Variants in PCOLCE2 observed in about 807,000 individuals in gnomAD.
PCOLCE2 encodes the protein procollagen C-endopeptidase enhancer 2.
In PCOLCE2, 42 loss-of-function variants were observed where a neutral mutation model predicts 47.0. The ratio of observed to expected loss-of-function variants is 0.89; its 90% confidence interval spans 0.70 to 1.16. The LOEUF is 1.16. Among genes scored for constraint, PCOLCE2 ranks in the 50% most tolerant of loss-of-function variants. The pLI, the probability that PCOLCE2 is intolerant of heterozygous loss-of-function variation, is 0.00. For synonymous variants in PCOLCE2, 169 were observed against 191.7 expected (o/e 0.88, Z 0.98); for missense variants, 500 against 526.1 (o/e 0.95, Z 0.49).
intron 3 of PCOLCE2, 117 bp from the exon 4 acceptor site, chr3:142,843,165 G>T (rs1937286510): frequency 9.3e-6 from 9 of 965,096 alleles, no homozygotes; most frequent in Non-Finnish European, 1.5e-5. Flanking sequence ...AAAGGCAACA[G>T]CAGAAGCGCT....
At chr3:142,834,973 G>A (rs1937186845) in intron 5 of PCOLCE2, among the ~76,000 whole-genome samples, 2 of 151,120 alleles carry the variant, frequency 1.3e-5, no homozygotes, top group Non-Finnish European at 2.9e-5. Flanking sequence ...AATTTCTTTA[G>A]TGATCATTTG....
intron 3 of PCOLCE2, among the ~76,000 whole-genome samples, chr3:142,843,964 A>G (rs1271035466): frequency 2.6e-5 from 4 of 152,192 alleles, no homozygotes; most frequent in Non-Finnish European, 5.9e-5. Context: ...GTAGAATAAT[A>G]TAATGACCTC....
intron 2 of PCOLCE2, among the ~76,000 whole-genome samples, chr3:142,879,740 A>G (rs879521893): frequency 1.3e-5 from 2 of 152,188 alleles, no homozygotes; most frequent in East Asian, 1.9e-4. Flanking sequence ...GAGGCCGAGG[A>G]GGGCGGATCA....
intron 6 of PCOLCE2, among the ~76,000 whole-genome samples, chr3:142,826,005 C>CT (rs112204556): frequency 0.036 from 5,278 of 145,836 alleles, 312 homozygotes; most frequent in African/African-American, 0.12. Flanking sequence ...GTGACCTTGC[C>CT]TTTTTTTTTT....
intron 5 of PCOLCE2, among the ~76,000 whole-genome samples, chr3:142,835,293 A>G (rs1446880252): frequency 1.3e-5 from 2 of 152,210 alleles, no homozygotes; most frequent in Non-Finnish European, 1.5e-5. Context: ...TTTTACAATT[A>G]TTACATCTGC....
intron 2 of PCOLCE2, among the ~76,000 whole-genome samples, chr3:142,848,914 G>A (rs185569032): frequency 6.6e-6 from 1 of 152,262 alleles, no homozygotes; most frequent in East Asian, 1.9e-4. Flanking sequence ...AGCACTTTGG[G>A]AGGCCGAGGT....
chr3:142,888,732 G>C, intron 1 of PCOLCE2, 82 bp downstream of exon 1: 1 of 858,342 alleles, frequency 1.2e-6, no homozygotes, highest in Non-Finnish European at 1.7e-6. Context: ...CGCCGAAGCG[G>C]GTTGAGTAAA....
At chr3:142,866,995 T>A (rs1185222989) in intron 2 of PCOLCE2, among the ~76,000 whole-genome samples, 2 of 152,200 alleles carry the variant, frequency 1.3e-5, no homozygotes, top group Admixed American at 1.3e-4. Flanking sequence ...TGTACAGGTA[T>A]CATGGCAACC....
rs1161343098 is a variant in PCOLCE2 at position 142,866,608 on chromosome 3, T to C, written c.193-18136A>G. ...AAAAAATGTTGAAAAATATGAATCA[T>C]AACCCCATCTCACACCATACATAAA... On this transcript the variant is annotated intron_variant, in intron 2 of 8. Transcript: ENST00000295992. Among the ~76,000 whole-genome samples the C allele has an allele frequency of 2.6e-5, 4 of 152,194 alleles. No individual in the cohort carries two copies. The East Asian group carries it at 7.7e-4, about 29-fold the overall frequency.
rs1162478767 is a variant in PCOLCE2 at position 142,848,419 on chromosome 3, A to C, written c.246T>G (p.Ser82Arg). The stretch of plus-strand genomic sequence containing the variant: ...CAAAGTCATAGCGGCACAGGTTGTC[A>C]CTCTCGAGGTCTATGAATCGGAAAT... ...VLNFRFIDLE[S>R]DNLCRYDFVD... is the part of the protein sequence containing the mutation. Residue 82 changes from serine (S) to arginine (R), a missense_variant, in exon 3 of 9, where the codon AGT becomes AGG. Coordinates refer to ENST00000295992, the MANE Select transcript of PCOLCE2 (RefSeq NM_013363.4). 1 of 1,610,330 alleles carries C rather than the reference A, an allele frequency of 6.2e-7. No homozygotes were observed. The highest frequency in any genetic ancestry group is 1.7e-5 in the Admixed American group (1 of 59,952).
At chr3:142,877,381 A>G (rs1314016301) in intron 2 of PCOLCE2, among the ~76,000 whole-genome samples, 2 of 152,364 alleles carry the variant, frequency 1.3e-5, no homozygotes, top group African/African-American at 2.4e-5. Context: ...CCATGCTCCA[A>G]ATGGATTACC....
rs140431130 is a variant in PCOLCE2 at position 142,871,316 on chromosome 3, T to G, written c.192+16353A>C. The stretch of plus-strand genomic sequence containing the variant: ...TCCCAGCTGCTCTCCCTTCTTCCAT[T>G]CTTGCACCCTATGATCTGTTCTCAG... On this transcript the variant is annotated intron_variant, in intron 2 of 8. Transcript: ENST00000295992. 2.0e-5 allele frequency among the ~76,000 whole-genome samples: 3 copies of G among 152,282 alleles called. No individual in the cohort carries two copies. In the South Asian group the frequency reaches 6.2e-4, roughly 32 times the overall value.
In PCOLCE2 at chr3:142,818,465, C is replaced by T. The variant is rs1936975559; in HGVS notation, c.1118G>A (p.Gly373Asp). ...TTGGCCCATAATAATGTAATTTAGACCTAAAGAAAGAGAATACAGAAATTA... is the reference window on the plus strand; with the variant it reads ...TTGGCCCATAATAATGTAATTTAGATCTAAAGAAAGAGAATACAGAAATTA... ...VCKQCPLLRR[G>D]LNYIIMGQVG... The change falls in exon 9 of 9, where the codon GGT (glycine) becomes GAT (aspartate). Residue 373 changes from glycine to aspartate, a missense_variant and splice_region_variant. Gly to Asp is a moderately conservative substitution (Grantham distance 94). Coordinates refer to ENST00000295992, the MANE Select transcript of PCOLCE2 (RefSeq NM_013363.4). 1 of 1,609,230 alleles carries T rather than the reference C, an allele frequency of 6.2e-7. No individual in the cohort carries two copies. Among genetic ancestry groups the T allele is most frequent in the Non-Finnish European group, 8.5e-7 (1 of 1,175,878 alleles).
At chr3:142,862,476 G>A (rs1560138343) in intron 2 of PCOLCE2, among the ~76,000 whole-genome samples, 1 of 152,230 alleles carries the variant, frequency 6.6e-6, no homozygotes, top group East Asian at 1.9e-4. Flanking sequence ...CATTTTTCCT[G>A]TGAGTTTAAA....
intron 2 of PCOLCE2, among the ~76,000 whole-genome samples, chr3:142,860,973 G>C (rs1271825708): frequency 6.6e-6 from 1 of 152,114 alleles, no homozygotes; most frequent in African/African-American, 2.4e-5. Flanking sequence ...TTCCTTGCTT[G>C]TTTTATTCCC....
intron 4 of PCOLCE2, among the ~76,000 whole-genome samples, chr3:142,839,113 A>C (rs1365467373): frequency 6.6e-6 from 1 of 152,178 alleles, no homozygotes; most frequent in African/African-American, 2.4e-5. Context: ...ATCTTTCCAA[A>C]AGATCATCTC....
intron 6 of PCOLCE2, chr3:142,827,253 G>A (rs780835633): frequency 3.9e-5 from 48 of 1,225,782 alleles, no homozygotes; most frequent in Admixed American, 1.0e-4. Context: ...TGCTCCATAG[G>A]GTTCATGGCC....
rs541589872 is a variant in PCOLCE2 at position 142,842,760 on chromosome 3, G to C, written c.573+164C>G. 2.1e-3 allele frequency among the ~76,000 whole-genome samples: 326 copies of C among 151,772 alleles called. 1 individual carries two copies. Among genetic ancestry groups the C allele is most frequent in the African/African-American group, 7.5e-3 (309 of 41,348 alleles). ...GTCTCAAAAAAAAAAAAAAATATCT[G>C]GGGTCTTCGCATGAAGAAATACCTG... On this transcript the variant is annotated intron_variant, in intron 4 of 8. Transcript: ENST00000295992. The surrounding 1 kb of genome is among the most constrained non-coding windows in gnomAD (Gnocchi z 4.1).
At chr3:142,872,720 C>T (rs1933414515) in intron 2 of PCOLCE2, among the ~76,000 whole-genome samples, 1 of 152,164 alleles carries the variant, frequency 6.6e-6, no homozygotes, top group South Asian at 2.1e-4. Flanking sequence ...TGTTACATGG[C>T]TCCACATCAC....
Sources: allele counts gnomAD v4.1 joint callset (sites outside exome capture counted in the v4.1 genomes callset), GRCh38; gene constraint gnomAD v4.1.1; non-coding constraint Gnocchi (gnomAD v3.1); transcripts MANE v1.5; gene names NCBI Gene and HGNC (gene_info 2026-07-23, HGNC 2026-07-21).